The following TSHZ3 variants were observed in gnomAD, a reference collection of about 807,000 sequenced individuals.
TSHZ3 encodes the protein teashirt zinc finger homeobox 3.
Under a neutral mutation model 64.5 loss-of-function variants are expected in TSHZ3, and 10 were observed. The ratio of observed to expected loss-of-function variants is 0.16; its 90% CI spans 0.10 to 0.26. TSHZ3 has a LOEUF of 0.26. Among genes scored for constraint, TSHZ3 ranks in the 10% least tolerant of loss-of-function variants. TSHZ3 has a pLI of 1.00. For synonymous variants in TSHZ3, 608 were observed against 593.1 expected (o/e 1.03, Z -0.36); for missense variants, 1,242 against 1,421.7 (o/e 0.87, Z 2.03).
chr19:31,285,053 G>A (rs535425191), intron 1 of TSHZ3, among the ~76,000 whole-genome samples: 3 of 152,282 alleles, frequency 2.0e-5, no homozygotes, highest in Non-Finnish European at 2.9e-5. Context: ...ATGCCACTTC[G>A]TGATTAAAGG....
At chr19:31,274,765 C>T (rs190812508), downstream of TSHZ3, among the ~76,000 whole-genome samples, 3 of 151,922 alleles carry the variant, frequency 2.0e-5, no homozygotes, top group Admixed American at 2.0e-4. Context: ...AGTAAGTGCT[C>T]CCTGCTCTCC....
At position 31,276,427 on chromosome 19, in the gene TSHZ3, G is replaced by T; in HGVS notation, c.*120C>A. ...GTTATACAAAACAGTCCAGCCCAGA[G>T]TGATTCTCTGCAGTTAAAATAAGAA... On this transcript the variant is annotated 3_prime_UTR_variant, in exon 2 of 2. Transcript: ENST00000240587. 1.0e-6 allele frequency: 1 copy of T among 957,314 alleles called. No individual in the cohort carries two copies. Among genetic ancestry groups the T allele is most frequent in the Non-Finnish European group, 1.6e-6 (1 of 632,118 alleles). 59.3% of individuals were successfully genotyped at this position (957,314 alleles called of 1,614,324 possible). A position where few individuals can be genotyped will look rare whatever the true frequency, so the allele number is the denominator to read the frequency against.
chr19:31,258,110 C>A (rs542756955), intron 1 of TSHZ3, among the ~76,000 whole-genome samples: 1 of 152,166 alleles, frequency 6.6e-6, no homozygotes, highest in Non-Finnish European at 1.5e-5. Context: ...CAGGCTTATT[C>A]CCCTCTACCA....
chr19:31,273,553 G>A (rs1465517531), downstream of TSHZ3, among the ~76,000 whole-genome samples: 1 of 152,192 alleles, frequency 6.6e-6, no homozygotes, highest in Non-Finnish European at 1.5e-5. Flanking sequence ...TGATGGAAGT[G>A]TTGTCAGTTT....
intron 1 of TSHZ3, among the ~76,000 whole-genome samples, chr19:31,304,812 C>A (rs774895859): frequency 6.6e-6 from 1 of 152,192 alleles, no homozygotes; most frequent in Non-Finnish European, 1.5e-5. Flanking sequence ...GTTGAATGCA[C>A]AAGCATTAAA....
intron 1 of TSHZ3, among the ~76,000 whole-genome samples, chr19:31,287,859 C>G (rs1387752627): frequency 1.3e-5 from 2 of 152,164 alleles, no homozygotes; most frequent in African/African-American, 2.4e-5. Context: ...TGGGTCCATT[C>G]CAATGCTGGG....
chr19:31,173,675 T>C (rs1974567287), intron 5 of TSHZ3, among the ~76,000 whole-genome samples: 1 of 152,208 alleles, frequency 6.6e-6, no homozygotes, highest in Non-Finnish European at 1.5e-5. Context: ...CTGTTTCTCC[T>C]CATCAGCTCA....
At chr19:31,265,553 G>A (rs1004001448) in intron 1 of TSHZ3, among the ~76,000 whole-genome samples, 6 of 152,054 alleles carry the variant, frequency 3.9e-5, no homozygotes, top group African/African-American at 9.7e-5. Context: ...ATTTGAGAAG[G>A]TCATACTAGG....
chr19:31,279,489 C>T lies in TSHZ3; in HGVS notation c.304G>A (p.Val102Ile), dbSNP rs1409561083. 1.2e-6 allele frequency: 2 copies of T among 1,614,126 alleles called. No homozygotes were observed. The highest frequency in any genetic ancestry group is 1.3e-5 in the African/African-American group (1 of 75,048). Residue 102 changes from valine to isoleucine, a missense_variant, in exon 2 of 2, where the codon GTC becomes ATC. This residue lies in a region of TSHZ3 where 555 missense variants were observed against 704.0 expected (regional missense o/e 0.79). Coordinates refer to ENST00000240587, the MANE Select transcript of TSHZ3 (RefSeq NM_020856.4). The surrounding 1 kb of genome is among the most constrained non-coding windows in gnomAD (Gnocchi z 6.4). ...GTCGTGTCTTCCAGTGGGACCGTGA[C>T]CTCCTTGGTCTCCTCTTCGTTCTTG... ...SIKNEEETKEVTVPLEDTTVS... is the reference protein window; with the variant it reads ...SIKNEEETKEITVPLEDTTVS...
In TSHZ3 at chr19:31,314,389, G is replaced by A. The variant is rs142509675; in HGVS notation, c.41-34637C>T. ...AGCCACATGGGCAGCGGCCGGAACCGTGTCTCACCTGCACGGTGGGGCTCT... is the reference window on the plus strand; with the variant it reads ...AGCCACATGGGCAGCGGCCGGAACCATGTCTCACCTGCACGGTGGGGCTCT... On this transcript the variant is annotated intron_variant, in intron 1 of 1. Transcript: ENST00000240587. 3.3e-5 allele frequency among the ~76,000 whole-genome samples: 5 copies of A among 152,328 alleles called. No individual in the cohort carries two copies. The East Asian group carries it at 5.8e-4, about 18-fold the overall frequency.
intron 1 of TSHZ3, 165 bp downstream of exon 1, chr19:31,349,015 C>T (rs973558164): frequency 1.1e-5 from 9 of 843,206 alleles, no homozygotes; most frequent in Non-Finnish European, 1.4e-5. Flanking sequence ...CGGGGGGCGC[C>T]CGGTACCCGA....
intron 5 of TSHZ3, among the ~76,000 whole-genome samples, chr19:31,172,500 A>T (rs184616426): frequency 2.0e-5 from 3 of 152,368 alleles, no homozygotes; most frequent in African/African-American, 7.2e-5. Flanking sequence ...ATACTCAAGA[A>T]ATGCACAGGC....
intron 5 of TSHZ3, among the ~76,000 whole-genome samples, chr19:31,194,521 A>G (rs939859437): frequency 3.3e-5 from 5 of 152,190 alleles, no homozygotes; most frequent in African/African-American, 9.7e-5. Context: ...GAAGCACTTG[A>G]GAAGTTCACA....
exon 7 of TSHZ3, among the ~76,000 whole-genome samples, chr19:31,151,344 T>A (rs1463282833): frequency 6.6e-5 from 10 of 151,766 alleles, no homozygotes; most frequent in Non-Finnish European, 1.0e-4. Context: ...TTTAACAATA[T>A]CCAGAAAAAA....
At chr19:31,227,710 G>A (rs116109462) in intron 4 of TSHZ3, among the ~76,000 whole-genome samples, 1 of 152,084 alleles carries the variant, frequency 6.6e-6, no homozygotes, top group Admixed American at 6.5e-5. Flanking sequence ...GTTGGAGGTA[G>A]GTTTCTCTCA....
intron 6 of TSHZ3, among the ~76,000 whole-genome samples, chr19:31,155,590 A>G (rs1974296780): frequency 6.6e-6 from 1 of 152,248 alleles, no homozygotes; most frequent in Non-Finnish European, 1.5e-5. Flanking sequence ...CTCGGGGCCC[A>G]GATCATTCTC....
chr19:31,256,975 T>C (rs1975918603), intron 1 of TSHZ3, among the ~76,000 whole-genome samples: 1 of 152,062 alleles, frequency 6.6e-6, no homozygotes, highest in African/African-American at 2.4e-5. Context: ...GAGTAGTGAG[T>C]TCCTCTGTGT....
chr19:31,185,104 C>CAAA (rs112596078), intron 5 of TSHZ3, among the ~76,000 whole-genome samples: 11 of 146,866 alleles, frequency 7.5e-5, no homozygotes, highest in Admixed American at 2.7e-4. Context: ...GAAACAACAA[C>CAAA]AAAAAAAAAA....
chr19:31,267,673 C>G (rs1338631904), intron 1 of TSHZ3, among the ~76,000 whole-genome samples: 1 of 151,800 alleles, frequency 6.6e-6, no homozygotes, highest in Non-Finnish European at 1.5e-5. Flanking sequence ...ACTTCAGAAG[C>G]TTTTTGTCCC....
Sources: gnomAD v4.1 joint callset for allele counts (sites outside exome capture counted in the v4.1 genomes callset) on GRCh38, gnomAD v4.1.1 for gene constraint, gnomAD v4.1.1 regional missense constraint, Gnocchi (gnomAD v3.1) non-coding constraint, MANE v1.5 for transcripts, NCBI Gene and HGNC (gene_info 2026-07-23, HGNC 2026-07-21) for gene names.